CSMD2: variants seen among roughly 807,000 people sequenced by gnomAD.
The protein encoded by CSMD2 is CUB and sushi domain-containing protein 2.
CSMD2 carries 130 observed loss-of-function variants against 398.5 expected under a neutral mutation model. The observed-to-expected ratio is 0.33, with a 90% CI of 0.28 to 0.38. The LOEUF is 0.38. CSMD2 is among the 10% of genes least tolerant of loss of function. CSMD2 has a pLI of 1.00. For missense variants in CSMD2, 3,829 were observed against 4,764.9 expected (o/e 0.80, Z 5.78); for synonymous variants, 1,828 against 1,908.5 (o/e 0.96, Z 1.10).
At chr1:33,552,668 G>GA (rs1159565533) in intron 55 of CSMD2, among the ~76,000 whole-genome samples, 29 of 152,172 alleles carry the variant, frequency 1.9e-4, no homozygotes, top group African/African-American at 6.8e-4. Context: ...TATGTTAAGT[G>GA]GAAGTAGCCA....
rs1553123902 is a variant in CSMD2 at position 34,159,336 on chromosome 1, C to CCCT, written c.187+5574_187+5575insAGG. Among the ~76,000 whole-genome samples the CCCT allele has an allele frequency of 2.5e-3, 220 of 89,748 alleles. 3 individuals are homozygous for CCCT. Among genetic ancestry groups the CCCT allele is most frequent in the African/African-American group, 9.5e-3 (211 of 22,204 alleles). 58.9% of individuals were successfully genotyped at this position (89,748 alleles called of 152,430 possible). A position where few individuals can be genotyped will look rare whatever the true frequency, so the allele number is the denominator to read the frequency against. On this transcript the variant is annotated intron_variant, in intron 1 of 70. Coordinates refer to ENST00000373381, the MANE Select transcript of CSMD2 (RefSeq NM_001281956.2). ...GAATGACTTTACAGCCTGCCCCCCC[C>CCCT]CCACCCAGGAGCTTGTGGTGGAAAG...
rs570716847 is a variant in CSMD2 at position 33,624,754 on chromosome 1, G to A, written c.5501-111C>T. 159 of 1,406,734 alleles carry A rather than the reference G, an allele frequency of 1.1e-4. 3 individuals carry two copies. The African/African-American group carries it at 2.1e-3, about 19-fold the overall frequency. The allele number at this position is 1,406,734 out of a possible 1,614,324, so 87.1% of individuals were successfully genotyped here. On this transcript the variant is annotated intron_variant, in intron 34 of 70. Transcript: ENST00000373381. This position sits in a 1 kb window ranked among gnomAD's most constrained non-coding sequence, Gnocchi z 4.7. Reference sequence around the variant, plus strand: ...CTCTGTTTGTCCTCCTCCCCATGGGGGTGTCTCCCTAATGTCCCCAGTCCT... The same window carrying A: ...CTCTGTTTGTCCTCCTCCCCATGGGAGTGTCTCCCTAATGTCCCCAGTCCT...
rs866348032 is a variant in CSMD2 at position 33,715,038 on chromosome 1, G to A, written c.3218-263C>T. 3.3e-5 allele frequency among the ~76,000 whole-genome samples: 5 copies of A among 152,278 alleles called. 1 individual carries two copies. In the South Asian group the frequency reaches 8.3e-4, roughly 25 times the overall value. ...GAGAGAAGCACGGGGAGGCCAGGAC[G>A]GGCGGTCTGCACCCACTCCTGTGAG... On this transcript the variant is annotated intron_variant, in intron 20 of 70. Transcript: ENST00000373381.
chr1:33,608,684 G>GTA (rs1407928839), intron 41 of CSMD2, among the ~76,000 whole-genome samples: 1 of 152,252 alleles, frequency 6.6e-6, no homozygotes, highest in African/African-American at 2.4e-5. Context: ...GAAGCCAGAG[G>GTA]TCGGGGTGAT....
chr1:33,707,092 A>T (rs1446239743), intron 22 of CSMD2, among the ~76,000 whole-genome samples: 2 of 152,018 alleles, frequency 1.3e-5, no homozygotes, highest in Non-Finnish European at 2.9e-5. Context: ...TTGAGTGTGC[A>T]CACCTGCTGA....
chr1:34,036,226 T>C (rs1311964260), intron 2 of CSMD2, among the ~76,000 whole-genome samples: 1 of 152,166 alleles, frequency 6.6e-6, no homozygotes, highest in Non-Finnish European at 1.5e-5. Flanking sequence ...CATAGCAGCT[T>C]TATTCCTAAT....
Position 33,763,847 on chromosome 1 carries a change from C to T in CSMD2, c.1846+8722G>A, listed in dbSNP as rs199963922. Among the ~76,000 whole-genome samples, 18 of 152,244 alleles carry T rather than the reference C, an allele frequency of 1.2e-4. No homozygotes were observed. In the East Asian group the frequency reaches 3.1e-3, roughly 26 times the overall value. Reference sequence around the variant, plus strand: ...GTAACTGGTGGGCTTGTGAGAAGCCCAGCATACATATAGGCCCACTCAGTT... The same window carrying T: ...GTAACTGGTGGGCTTGTGAGAAGCCTAGCATACATATAGGCCCACTCAGTT... On this transcript the variant is annotated intron_variant, in intron 13 of 70. Transcript: ENST00000373381.
chr1:33,848,003 G>C (rs1199818582), intron 5 of CSMD2, among the ~76,000 whole-genome samples: 2 of 152,144 alleles, frequency 1.3e-5, no homozygotes, highest in African/African-American at 2.4e-5. Flanking sequence ...CAGGGTTCCA[G>C]CAGAAAACAG....
intron 25 of CSMD2, 90 bp from the exon 26 acceptor site, chr1:33,663,182 G>T (rs1489511424): frequency 1.1e-5 from 12 of 1,081,896 alleles, no homozygotes; most frequent in Non-Finnish European, 1.5e-5. Flanking sequence ...ACGAAGACTG[G>T]CCCTAAACCT....
rs193046225 is a variant in CSMD2, at chr1:33,516,258, T to A, written c.*366A>T. On this transcript the variant is annotated 3_prime_UTR_variant, in exon 71 of 71. Coordinates refer to ENST00000373381, the MANE Select transcript of CSMD2 (RefSeq NM_001281956.2). ...ACTTCTAGTTTTGAAGCCTTTATGGTCTCTTCCATAGGACGTGAATGAAGG... is the reference window on the plus strand; with the variant it reads ...ACTTCTAGTTTTGAAGCCTTTATGGACTCTTCCATAGGACGTGAATGAAGG... 6 of 152,198 alleles carry A rather than the reference T, an allele frequency of 3.9e-5. No individual in the cohort carries two copies. The East Asian group carries it at 1.2e-3, about 29-fold the overall frequency. The allele number at this position is 152,198 out of a possible 1,614,324, so 9.4% of individuals were successfully genotyped here. A position where few individuals can be genotyped will look rare whatever the true frequency, so the allele number is the denominator to read the frequency against.
intron 5 of CSMD2, among the ~76,000 whole-genome samples, chr1:33,888,755 T>TC (rs1432068129): frequency 7.3e-6 from 1 of 136,418 alleles, no homozygotes; most frequent in Non-Finnish European, 1.5e-5. Context: ...ATCAACTGAT[T>TC]TTTGTTGTTG....
At chr1:33,968,153 T>G (rs969243895) in intron 3 of CSMD2, among the ~76,000 whole-genome samples, 13 of 152,170 alleles carry the variant, frequency 8.5e-5, no homozygotes, top group African/African-American at 2.9e-4. Flanking sequence ...TCGGGGAGCC[T>G]GTCTAGAAAT....
intron 3 of CSMD2, among the ~76,000 whole-genome samples, chr1:33,943,266 C>A (rs766935474): frequency 6.6e-6 from 1 of 152,236 alleles, no homozygotes; most frequent in Non-Finnish European, 1.5e-5. Context: ...TGCCCCCATC[C>A]TTGTGATCTG....
At chr1:33,672,616 G>A (rs1443711051) in intron 25 of CSMD2, among the ~76,000 whole-genome samples, 3 of 152,196 alleles carry the variant, frequency 2.0e-5, no homozygotes, top group Non-Finnish European at 4.4e-5. Flanking sequence ...AGAGAGTAGT[G>A]GTTCTCCCAG....
chr1:33,986,141 G>A (rs775800100), intron 3 of CSMD2, among the ~76,000 whole-genome samples: 2 of 152,194 alleles, frequency 1.3e-5, no homozygotes, highest in Non-Finnish European at 1.5e-5. Flanking sequence ...AATGACAGCA[G>A]CCAGTTCCTT....
At chr1:33,994,145 T>C (rs956380652) in intron 3 of CSMD2, among the ~76,000 whole-genome samples, 10 of 152,058 alleles carry the variant, frequency 6.6e-5, no homozygotes, top group African/African-American at 2.4e-4. Flanking sequence ...GATAAAAAGA[T>C]AATTGAGGCA....
chr1:34,087,856 T>C (rs1379704034), intron 2 of CSMD2, among the ~76,000 whole-genome samples: 2 of 152,116 alleles, frequency 1.3e-5, no homozygotes, highest in Non-Finnish European at 2.9e-5. Context: ...ATTTGTGGAA[T>C]GAATGATTGA....
chr1:33,942,942 C>A (rs1237441814), intron 3 of CSMD2, among the ~76,000 whole-genome samples: 1 of 152,218 alleles, frequency 6.6e-6, no homozygotes, highest in African/African-American at 2.4e-5. Flanking sequence ...CCCTGGACTT[C>A]TGTGCCCAAC....
chr1:33,569,772 G>A (rs1475378813), intron 51 of CSMD2, among the ~76,000 whole-genome samples: 1 of 152,202 alleles, frequency 6.6e-6, no homozygotes, highest in Non-Finnish European at 1.5e-5. Flanking sequence ...TCCACTGCAG[G>A]TGCCTGACTC....
Sources: allele counts gnomAD v4.1 joint callset (sites outside exome capture counted in the v4.1 genomes callset), GRCh38; gene constraint gnomAD v4.1.1; non-coding constraint Gnocchi (gnomAD v3.1); transcripts MANE v1.5; gene names NCBI Gene and HGNC (gene_info 2026-07-23, HGNC 2026-07-21).